USP53: variants seen among roughly 807,000 people sequenced by gnomAD.
USP53 encodes the protein ubiquitin specific peptidase 53.
In USP53, 71 loss-of-function variants were observed where a neutral mutation model predicts 94.9. The ratio of observed to expected loss-of-function variants is 0.75; its 90% CI spans 0.62 to 0.91. USP53 has a LOEUF of 0.91. USP53 is among the 40% of genes least tolerant of loss of function. The probability of loss-of-function intolerance (pLI) is 0.00; values close to 1 mark genes in which losing one functional copy is unlikely to be tolerated. For synonymous variants in USP53, 375 were observed against 422.7 expected, an observed-to-expected ratio of 0.89 and a Z score of 1.39; for missense variants, 1,173 against 1,281.0, an observed-to-expected ratio of 0.92 and a Z score of 1.29.
In USP53 at chr4:119,269,737, C is replaced by T; in HGVS notation, c.1335C>T (p.Ser445=). The stretch of plus-strand genomic sequence containing the variant: ...AAAGGGAAAAGATAAAAGACATTTC[C>T]AGAGAATGTGCTCTGAAAGCTATTG... ...IDQREKIKDI[S]RECALKAIEQ... is the part of the protein sequence containing the mutation. Residue 445 remains serine, a synonymous_variant, in exon 15 of 19, where the codon TCC becomes TCT. Coordinates refer to ENST00000692078, the MANE Select transcript of USP53 (RefSeq NM_001371395.1). 6.7e-7 allele frequency: 1 copy of T among 1,500,876 alleles called. No homozygotes were observed. The highest frequency in any genetic ancestry group is 2.5e-5 in the East Asian group (1 of 40,228). The allele number at this position is 1,500,876 out of a possible 1,614,324, so 93.0% of individuals were successfully genotyped here.
chr4:119,259,178 G>A (rs1440651131), intron 9 of USP53, among the ~76,000 whole-genome samples: 1 of 151,834 alleles, frequency 6.6e-6, no homozygotes, highest in African/African-American at 2.4e-5. Context: ...CTCCTCAAGA[G>A]GCTGAGGCAT....
At chr4:119,280,352 T>C (rs1311284246) in intron 17 of USP53, among the ~76,000 whole-genome samples, 1 of 152,144 alleles carries the variant, frequency 6.6e-6, no homozygotes, top group African/African-American at 2.4e-5. Flanking sequence ...TATCTGTCTA[T>C]GGTGGCTTGT....
chr4:119,270,892 G>C (rs919247296), intron 15 of USP53, among the ~76,000 whole-genome samples: 1 of 151,694 alleles, frequency 6.6e-6, no homozygotes, highest in Non-Finnish European at 1.5e-5. Flanking sequence ...TTGAAAGACT[G>C]AACTAGTCTG....
In USP53 at chr4:119,215,996, G is replaced by A. The variant is rs143350386; in HGVS notation, c.-788-1554G>A. Among the ~76,000 whole-genome samples, 1,475 of 152,264 alleles carry A rather than the reference G, an allele frequency of 9.7e-3. 16 individuals carry two copies. The highest frequency in any genetic ancestry group is 0.017 in the Admixed American group (264 of 15,296). ...TCCTTTGGAAGTTTTTTACTGCTGC[G>A]CTTTTCTGAGTTAGAAGTATTGAAT... On this transcript the variant is annotated intron_variant, in intron 2 of 18. Transcript: ENST00000692078.
chr4:119,273,575 A>G (rs1302770196), intron 16 of USP53, 57 bp from the exon 17 acceptor site: 23 of 1,297,282 alleles, frequency 1.8e-5, no homozygotes, highest in Non-Finnish European at 2.4e-5. Flanking sequence ...TTTTTTTTAG[A>G]CTAAACAAAG....
intron 17 of USP53, among the ~76,000 whole-genome samples, chr4:119,275,454 T>C (rs1369416117): frequency 1.5e-5 from 2 of 137,908 alleles, no homozygotes; most frequent in Non-Finnish European, 3.2e-5. Context: ...TCCATTGATC[T>C]ATATCTCTGT....
chr4:119,240,908 T>TC (rs1747441261), intron 5 of USP53, among the ~76,000 whole-genome samples: 1 of 152,140 alleles, frequency 6.6e-6, no homozygotes, highest in African/African-American at 2.4e-5. Context: ...GGCTCAAAGA[T>TC]CCCACTGACA....
At chr4:119,238,349 G>A (rs116117181) in intron 4 of USP53, among the ~76,000 whole-genome samples, 104 of 152,272 alleles carry the variant, frequency 6.8e-4, no homozygotes, top group African/African-American at 2.0e-3. Flanking sequence ...CAGGGAGTAG[G>A]GAGGCCTGAG....
chr4:119,271,955 A>G lies in USP53; in HGVS notation c.2095A>G (p.Thr699Ala). The G allele has an allele frequency of 3.7e-6, 6 of 1,613,894 alleles. No homozygotes were observed. The highest frequency in any genetic ancestry group is 1.1e-5 in the South Asian group (1 of 90,974). Residue 699 changes from threonine to alanine, a missense_variant, in exon 16 of 19, where the codon ACT becomes GCT. By Grantham distance (58) the Thr-to-Ala change is moderately conservative (BLOSUM62 0). Transcript: ENST00000692078. ...ESSDHISNGS[T>A]NLDSPVIDGN... Reference sequence around the variant, plus strand: ...CAGTGATCACATCAGTAATGGTTCTACTAATTTGGACTCACCTGTTATCGA... The same window carrying G: ...CAGTGATCACATCAGTAATGGTTCTGCTAATTTGGACTCACCTGTTATCGA...
intron 2 of USP53, among the ~76,000 whole-genome samples, chr4:119,217,140 T>C (rs1271255097): frequency 6.6e-6 from 1 of 152,202 alleles, no homozygotes; most frequent in Non-Finnish European, 1.5e-5. Context: ...ATAAGGTCAC[T>C]ATCAGGGTAT....
At chr4:119,214,884 G>C (rs1743498994) in intron 2 of USP53, among the ~76,000 whole-genome samples, 1 of 152,118 alleles carries the variant, frequency 6.6e-6, no homozygotes, top group Non-Finnish European at 1.5e-5. Flanking sequence ...CTTACTTACT[G>C]GGGTAGGAGG....
At chr4:119,275,646 T>G (rs1247027563) in intron 17 of USP53, among the ~76,000 whole-genome samples, 2 of 152,150 alleles carry the variant, frequency 1.3e-5, no homozygotes, top group East Asian at 3.9e-4. Flanking sequence ...AAGTCATTGG[T>G]AGCTTGATGG....
At chr4:119,255,981 T>C (rs1749716447) in intron 7 of USP53, among the ~76,000 whole-genome samples, 1 of 152,164 alleles carries the variant, frequency 6.6e-6, no homozygotes, top group South Asian at 2.1e-4. Context: ...CACCATGGGT[T>C]TTTAGAAGGA....
intron 14 of USP53, 74 bp downstream of exon 14, chr4:119,268,494 T>C (rs1421537418): frequency 2.2e-6 from 3 of 1,367,560 alleles, no homozygotes; most frequent in Middle Eastern, 1.9e-4. Context: ...GGAGGATGCT[T>C]ACCTAGCTTT....
At chr4:119,245,562 C>A in intron 6 of USP53, 133 bp downstream of exon 6, 1 of 678,102 alleles carries the variant, frequency 1.5e-6, no homozygotes, top group Non-Finnish European at 2.5e-6. Flanking sequence ...GAATTCTTAA[C>A]AGTATGACTT....
intron 3 of USP53, among the ~76,000 whole-genome samples, chr4:119,234,086 T>C (rs1746416961): frequency 6.6e-6 from 1 of 152,196 alleles, no homozygotes; most frequent in South Asian, 2.1e-4. Flanking sequence ...CTTGTTACCA[T>C]TTCCCAAACT....
intron 3 of USP53, among the ~76,000 whole-genome samples, chr4:119,225,480 C>T (rs1471217130): frequency 6.6e-6 from 1 of 152,166 alleles, no homozygotes; most frequent in Non-Finnish European, 1.5e-5. Context: ...GGCGTGGTGG[C>T]TCACGCCTGT....
chr4:119,230,352 A>G (rs1334423612), intron 3 of USP53, among the ~76,000 whole-genome samples: 1 of 152,056 alleles, frequency 6.6e-6, no homozygotes, highest in Non-Finnish European at 1.5e-5. Context: ...TTTTCCTCTA[A>G]TGTGGTCTTG....
At chr4:119,215,514 T>A (rs1743601469) in intron 2 of USP53, among the ~76,000 whole-genome samples, 1 of 152,228 alleles carries the variant, frequency 6.6e-6, no homozygotes, top group South Asian at 2.1e-4. Context: ...TTAACTCATA[T>A]CCTCTATCAG....
Sources: allele counts gnomAD v4.1 joint callset (sites outside exome capture counted in the v4.1 genomes callset), GRCh38; gene constraint gnomAD v4.1.1; transcripts MANE v1.5; gene names NCBI Gene and HGNC (gene_info 2026-07-23, HGNC 2026-07-21).